Variants in SKI observed in about 807,000 individuals in gnomAD.
SKI encodes the protein SKI proto-oncogene.
A neutral mutation model predicts 59.3 loss-of-function variants in SKI; 23 were observed. The observed-to-expected ratio is 0.39, with a 90% CI of 0.28 to 0.55. The LOEUF (loss-of-function observed/expected upper bound fraction) is 0.55. Ranked by LOEUF, SKI falls within the 20% of genes least tolerant of loss-of-function variation. SKI has a pLI of 0.67. For missense variants in SKI, 1,017 were observed against 1,038.9 expected, an observed-to-expected ratio of 0.98 and a Z score of 0.29; for synonymous variants, 673 against 488.6, an observed-to-expected ratio of 1.38 and a Z score of -4.98.
Position 2,309,699 on chromosome 1 carries a change from C to T in SKI, c.*2934C>T, listed in dbSNP as rs1381123273. On this transcript the variant is annotated 3_prime_UTR_variant, in exon 7 of 7. Transcript: ENST00000378536. Reference sequence around the variant, plus strand: ...ACCTCCTCCTCCCTGTGGGTCCGAACCCCGGCCCCCCCACCCCCTCCTCCC... The same window carrying T: ...ACCTCCTCCTCCCTGTGGGTCCGAATCCCGGCCCCCCCACCCCCTCCTCCC... The T allele has an allele frequency of 1.4e-5, 1 of 71,938 alleles. No homozygotes were observed. The highest frequency in any genetic ancestry group is 7.4e-3 in the Middle Eastern group (1 of 136). 4.5% of individuals were successfully genotyped at this position (71,938 alleles called of 1,614,324 possible).
intron 1 of SKI, among the ~76,000 whole-genome samples, chr1:2,250,370 C>G (rs2100822036): frequency 6.6e-6 from 1 of 152,304 alleles, no homozygotes; most frequent in East Asian, 1.9e-4. Context: ...TGTGGGGTGG[C>G]CACTGCTGCC....
chr1:2,258,595 C>T (rs1305508636), intron 1 of SKI, among the ~76,000 whole-genome samples: 1 of 151,084 alleles, frequency 6.6e-6, no homozygotes, highest in Non-Finnish European at 1.5e-5. Context: ...AGGTCTGTCA[C>T]CCAGGCTGGA....
chr1:2,301,810 T>G (rs1031849712), intron 1 of SKI, among the ~76,000 whole-genome samples: 2 of 152,246 alleles, frequency 1.3e-5, no homozygotes, highest in African/African-American at 2.4e-5. Context: ...GAGGTTGGCC[T>G]CGGCAGAGTG....
chr1:2,298,211 G>T (rs151051416), intron 1 of SKI, among the ~76,000 whole-genome samples: 1 of 152,216 alleles, frequency 6.6e-6, no homozygotes, highest in Non-Finnish European at 1.5e-5. Flanking sequence ...GCGCCCTCGT[G>T]GGGGCTTGAG....
At chr1:2,242,071 G>A (rs1385565927) in intron 1 of SKI, among the ~76,000 whole-genome samples, 1 of 152,216 alleles carries the variant, frequency 6.6e-6, no homozygotes, top group African/African-American at 2.4e-5. Context: ...CTTGTTGGGA[G>A]GCAGCAGGCC....
chr1:2,301,241 C>T (rs183260385), intron 1 of SKI, among the ~76,000 whole-genome samples: 18 of 152,352 alleles, frequency 1.2e-4, no homozygotes, highest in Admixed American at 2.0e-4. Context: ...CAGCACCCTG[C>T]GGTCAGGGCC....
intron 1 of SKI, among the ~76,000 whole-genome samples, chr1:2,250,419 A>G (rs1240638688): frequency 1.3e-5 from 2 of 152,164 alleles, no homozygotes; most frequent in Admixed American, 1.3e-4. Context: ...AGGAGCAGGA[A>G]GTGGCCCATT....
At chr1:2,279,365 T>C (rs1224058919) in intron 1 of SKI, among the ~76,000 whole-genome samples, 1 of 152,132 alleles carries the variant, frequency 6.6e-6, no homozygotes, top group Non-Finnish European at 1.5e-5. Context: ...GGGGCATCGC[T>C]TCATCCCTTC....
intron 1 of SKI, among the ~76,000 whole-genome samples, chr1:2,297,669 G>A (rs760680553): frequency 4.6e-5 from 7 of 152,212 alleles, no homozygotes; most frequent in Non-Finnish European, 7.3e-5. Context: ...ACGAATTGGC[G>A]CTCACGGACT....
intron 1 of SKI, among the ~76,000 whole-genome samples, chr1:2,280,028 G>A (rs1343700669): frequency 3.9e-5 from 6 of 152,300 alleles, no homozygotes; most frequent in South Asian, 2.1e-4. Flanking sequence ...CGAGGCATGG[G>A]TGCGCGAAAA....
At chr1:2,305,181 C>T (rs1315471670) in intron 5 of SKI, among the ~76,000 whole-genome samples, 2 of 152,232 alleles carry the variant, frequency 1.3e-5, no homozygotes, top group African/African-American at 4.8e-5. Flanking sequence ...GGCTCTGCCT[C>T]ACGGTTCTCA....
chr1:2,305,871 C>T (rs527273587), intron 5 of SKI, 149 bp from the exon 6 acceptor site: 8 of 706,312 alleles, frequency 1.1e-5, no homozygotes, highest in East Asian at 2.7e-5. Context: ...GGGCACCACA[C>T]GGGTTGGGCT....
rs553453853 is a variant in SKI, at chr1:2,257,963, C to A, written c.969+28228C>A. 4.5e-3 allele frequency among the ~76,000 whole-genome samples: 692 copies of A among 152,254 alleles called. 3 individuals carry two copies. Among genetic ancestry groups the A allele is most frequent in the Non-Finnish European group, 8.2e-3 (560 of 68,034 alleles). On this transcript the variant is annotated intron_variant, in intron 1 of 6. Transcript: ENST00000378536. ...ATGTTGGTTAGGTTGGTCTCGAACTCCCGACCTCAGGTGATCTGCCCGCCT... is the reference window on the plus strand; with the variant it reads ...ATGTTGGTTAGGTTGGTCTCGAACTACCGACCTCAGGTGATCTGCCCGCCT...
chr1:2,307,627 G>A lies in SKI; in HGVS notation c.*862G>A, dbSNP rs1333544079. Reference sequence around the variant, plus strand: ...GGCGACCCTTTTCAGTTCGGCAAACGTCGCTCCCTTCATTTTGGGACTGAG... The same window carrying A: ...GGCGACCCTTTTCAGTTCGGCAAACATCGCTCCCTTCATTTTGGGACTGAG... On this transcript the variant is annotated 3_prime_UTR_variant, in exon 7 of 7. Transcript: ENST00000378536. 2 of 152,560 alleles carry A rather than the reference G, an allele frequency of 1.3e-5. No individual in the cohort carries two copies. Among genetic ancestry groups the A allele is most frequent in the Non-Finnish European group, 2.9e-5 (2 of 68,060 alleles). The allele number at this position is 152,560 out of a possible 1,614,324, so 9.5% of individuals were successfully genotyped here.
chr1:2,249,703 C>T (rs1326484156), intron 1 of SKI, among the ~76,000 whole-genome samples: 5 of 152,192 alleles, frequency 3.3e-5, no homozygotes, highest in South Asian at 4.1e-4. Flanking sequence ...CTGCTCCAAC[C>T]GACTCACTGG....
At chr1:2,252,108 TGAGGAG>T (rs781254741) in intron 1 of SKI, among the ~76,000 whole-genome samples, 2 of 152,138 alleles carry the variant, frequency 1.3e-5, no homozygotes, top group Admixed American at 6.5e-5. Context: ...GTGAGAGATC[TGAGGAG>T]GAGGAGGAGG....
rs796307847 is a variant in SKI at position 2,287,986 on chromosome 1, C to CT, written c.970-14980dup. Reference sequence around the variant, plus strand: ...CTCGTCTGTCTTTTTTCTTTTCTTTCTTTTTTTTTTTTCTTCCTTGAGACG... The same window carrying CT: ...CTCGTCTGTCTTTTTTCTTTTCTTTCTTTTTTTTTTTTTCTTCCTTGAGACG... On this transcript the variant is annotated intron_variant, in intron 1 of 6. Transcript: ENST00000378536. 2.3e-3 allele frequency among the ~76,000 whole-genome samples: 337 copies of CT among 147,558 alleles called. 1 individual carries two copies. The highest frequency in any genetic ancestry group is 6.8e-3 in the African/African-American group (277 of 40,598).
At chr1:2,306,490 C>A (rs1313813576) in intron 6 of SKI, 87 bp from the exon 7 acceptor site, 15 of 1,350,656 alleles carry the variant, frequency 1.1e-5, no homozygotes, top group Non-Finnish European at 1.4e-5. Flanking sequence ...GGACAGGGAG[C>A]GGCGCAGGAG....
In SKI at chr1:2,228,946, G is replaced by A; in HGVS notation, c.180G>A (p.Val60=). The change falls in exon 1 of 7, where the codon GTG becomes GTA. Residue 60 remains valine (V), a synonymous_variant. Transcript: ENST00000378536. ...ESAKEAGAAA[V]PAPVPAATEP... ...CCAAGGAGGCGGGCGCGGCCGCGGTGCCGGCGCCGGTGCCCGCAGCCACCG... is the reference window on the plus strand; with the variant it reads ...CCAAGGAGGCGGGCGCGGCCGCGGTACCGGCGCCGGTGCCCGCAGCCACCG... 2 of 1,394,206 alleles carry A rather than the reference G, an allele frequency of 1.4e-6. No individual in the cohort carries two copies. Among genetic ancestry groups the A allele is most frequent in the Non-Finnish European group, 1.9e-6 (2 of 1,074,676 alleles). The allele number at this position is 1,394,206 out of a possible 1,614,324, so 86.4% of individuals were successfully genotyped here. A position where few individuals can be genotyped will look rare whatever the true frequency, so the allele number is the denominator to read the frequency against.
Sources: gnomAD v4.1 joint callset for allele counts (sites outside exome capture counted in the v4.1 genomes callset) on GRCh38, gnomAD v4.1.1 for gene constraint, MANE v1.5 for transcripts, NCBI Gene and HGNC (gene_info 2026-07-23, HGNC 2026-07-21) for gene names.